MAPKBP1: variants seen among roughly 807,000 people sequenced by gnomAD.
MAPKBP1 encodes the protein mitogen-activated protein kinase binding protein 1.
MAPKBP1 carries 71 observed loss-of-function variants against 170.5 expected under a neutral mutation model. That is an observed-to-expected ratio of 0.42 (90% CI 0.34 to 0.51). The LOEUF is 0.51. Ranked by LOEUF, MAPKBP1 falls within the 20% of genes least tolerant of loss-of-function variation. The pLI is 0.06. For missense variants in MAPKBP1, 1,598 were observed against 1,933.0 expected (o/e 0.83, Z 3.25); for synonymous variants, 719 against 757.9 (o/e 0.95, Z 0.84).
Position 41,825,266 on chromosome 15 carries a change from G to A in MAPKBP1, c.4357G>A (p.Asp1453Asn), listed in dbSNP as rs1190393982. 10 of 1,608,322 alleles carry A rather than the reference G, an allele frequency of 6.2e-6. No homozygotes were observed. The highest frequency in any genetic ancestry group is 8.5e-6 in the Non-Finnish European group (10 of 1,175,666). Residue 1453 changes from aspartate (D) to asparagine (N), a missense_variant, in exon 31 of 31, where the codon GAC becomes AAC. Around this residue, in one of 6 missense-constraint regions of MAPKBP1, gnomAD observed 942 missense variants for 953.2 expected, o/e 0.99. Transcript: ENST00000457542. ...AAGTCGGATTGCCCAGCTCCTCAGA[G>A]ACACCTTCTCTTCAGTGCGACAGGA... ...EQSRIAQLLR[D>N]TFSSVRQELE...
intron 3 of MAPKBP1, among the ~76,000 whole-genome samples, chr15:41,800,235 C>G (rs1457691151): frequency 6.6e-6 from 1 of 152,208 alleles, no homozygotes; most frequent in African/African-American, 2.4e-5. Context: ...AGATGTAATT[C>G]ACATACCATA....
At position 41,823,799 on chromosome 15, in the gene MAPKBP1, C is replaced by T. The variant is rs374966571; in HGVS notation, c.3951C>T (p.Gly1317=). The stretch of plus-strand genomic sequence containing the variant: ...CTGTCACCAAAGGCCGGGCCCCTGG[C>T]GAGGCAGAAAAGCCTGGCTTCCCGG... The part of the protein sequence containing the change: ...FSPVTKGRAP[G]EAEKPGFPVG... Residue 1317 remains glycine, a synonymous_variant, in exon 29 of 31, where the codon GGC becomes GGT. Coordinates refer to ENST00000457542, the MANE Select transcript of MAPKBP1 (RefSeq NM_014994.3). 4.8e-5 allele frequency: 77 copies of T among 1,614,008 alleles called. No homozygotes were observed. The highest frequency in any genetic ancestry group is 5.5e-5 in the Non-Finnish European group (65 of 1,180,024).
At chr15:41,801,837 G>A (rs192651590) in intron 3 of MAPKBP1, among the ~76,000 whole-genome samples, 69 of 152,150 alleles carry the variant, frequency 4.5e-4, no homozygotes, top group African/African-American at 1.6e-3. Flanking sequence ...GCGACAAAGA[G>A]AGACTCTGTC....
At chr15:41,807,533 A>C (rs945506924) in intron 3 of MAPKBP1, among the ~76,000 whole-genome samples, 8 of 152,196 alleles carry the variant, frequency 5.3e-5, no homozygotes, top group Non-Finnish European at 1.2e-4. Flanking sequence ...GTTCCTGTGT[A>C]ACTAATCAGA....
chr15:41,801,918 G>A (rs1405945296), intron 3 of MAPKBP1, among the ~76,000 whole-genome samples: 1 of 152,156 alleles, frequency 6.6e-6, no homozygotes, highest in Admixed American at 6.5e-5. Context: ...GTCACTTAAT[G>A]ATGGGGATAT....
chr15:41,813,464 A>G, intron 8 of MAPKBP1, 157 bp from the exon 9 acceptor site: 1 of 1,416,162 alleles, frequency 7.1e-7, no homozygotes, highest in Non-Finnish European at 9.9e-7. Flanking sequence ...CCCTGGCTGG[A>G]CAGGGCTGAG....
chr15:41,821,144 A>T, intron 23 of MAPKBP1, 76 bp downstream of exon 23: 1 of 1,340,766 alleles, frequency 7.5e-7, no homozygotes, highest in Non-Finnish European at 1.1e-6. Flanking sequence ...CTGGGACCTG[A>T]GCACTGGTCC....
intron 3 of MAPKBP1, among the ~76,000 whole-genome samples, chr15:41,805,138 A>G (rs1358902082): frequency 6.6e-6 from 1 of 152,204 alleles, no homozygotes. Context: ...AACCAAAACA[A>G]AGTTTTCTGA....
At chr15:41,820,064 A>G (rs2064968528) in intron 22 of MAPKBP1, among the ~76,000 whole-genome samples, 1 of 152,230 alleles carries the variant, frequency 6.6e-6, no homozygotes, top group Admixed American at 6.5e-5. Flanking sequence ...AAACAGTTCT[A>G]AAGATCCCGG....
Position 41,826,502 on chromosome 15 carries a change from CA to C in MAPKBP1, c.*1067del, listed in dbSNP as rs1311392092. 6.6e-6 allele frequency: 1 copy of C among 152,264 alleles called. No homozygotes were observed. The highest frequency in any genetic ancestry group is 1.5e-5 in the Non-Finnish European group (1 of 68,102). The allele number at this position is 152,264 out of a possible 1,614,324, so 9.4% of individuals were successfully genotyped here. Reference sequence around the variant, plus strand: ...TCCTCACATCCTGCCTCAGCTTCACCACCCTGGCTTATGTGGAACACCTATC... The same window carrying C: ...TCCTCACATCCTGCCTCAGCTTCACCCCCTGGCTTATGTGGAACACCTATC... On this transcript the variant is annotated 3_prime_UTR_variant, in exon 31 of 31. Coordinates refer to ENST00000457542, the MANE Select transcript of MAPKBP1 (RefSeq NM_014994.3).
At chr15:41,778,144 G>A (rs1596058203) in intron 2 of MAPKBP1, among the ~76,000 whole-genome samples, 1 of 152,268 alleles carries the variant, frequency 6.6e-6, no homozygotes, top group African/African-American at 2.4e-5. Context: ...CACCGTTTAG[G>A]ACAGTGTAAG....
At position 41,816,554 on chromosome 15, in the gene MAPKBP1, T is replaced by G; in HGVS notation, c.1494-5T>G. On this transcript the variant is annotated splice_polypyrimidine_tract_variant and splice_region_variant and intron_variant, in intron 12 of 30. Transcript: ENST00000457542. ...GCCTCTTCCCACCTCTCCTCATCTT[T>G]GCAGGGTGCACGAACTTCAGTCCCT... 6.2e-7 allele frequency: 1 copy of G among 1,612,566 alleles called. No individual in the cohort carries two copies. The highest frequency in any genetic ancestry group is 8.5e-7 in the Non-Finnish European group (1 of 1,178,616).
At position 41,818,174 on chromosome 15, in the gene MAPKBP1, C is replaced by T; in HGVS notation, c.1981-20C>T. 1 of 1,610,368 alleles carries T rather than the reference C, an allele frequency of 6.2e-7. No homozygotes were observed. The highest frequency in any genetic ancestry group is 8.5e-7 in the Non-Finnish European group (1 of 1,176,584). ...TGGTACTTCCCATGTCCTCCAGCTG[C>T]ACACCCTGCTACTCCTCAGGTGCAG... On this transcript the variant is annotated intron_variant, in intron 17 of 30. Transcript: ENST00000457542. The surrounding 1 kb of genome is among the most constrained non-coding windows in gnomAD (Gnocchi z 5.2).
intron 3 of MAPKBP1, among the ~76,000 whole-genome samples, chr15:41,802,081 G>C (rs2064605118): frequency 6.6e-6 from 1 of 152,096 alleles, no homozygotes. Context: ...GCAGGTTACT[G>C]TACTGAATAC....
intron 3 of MAPKBP1, among the ~76,000 whole-genome samples, chr15:41,801,285 C>A (rs1292317145): frequency 6.6e-6 from 1 of 152,180 alleles, no homozygotes; most frequent in Non-Finnish European, 1.5e-5. Context: ...TGCCTTTTCA[C>A]TCCTCTGCTC....
intron 2 of MAPKBP1, among the ~76,000 whole-genome samples, chr15:41,797,693 G>C (rs2064515332): frequency 1.3e-5 from 2 of 152,200 alleles, no homozygotes; most frequent in Admixed American, 1.3e-4. Flanking sequence ...TAGTGCCTCA[G>C]ATCGGCGCAA....
chr15:41,817,321 A>C lies in MAPKBP1; in HGVS notation c.1712-67A>C. ...CTTGATGGGGGATCTCATGGAGGGAAGGTGGGAGGCAGGCTGCTCCCATGT... is the reference window on the plus strand; with the variant it reads ...CTTGATGGGGGATCTCATGGAGGGACGGTGGGAGGCAGGCTGCTCCCATGT... On this transcript the variant is annotated intron_variant, in intron 14 of 30. Coordinates refer to ENST00000457542, the MANE Select transcript of MAPKBP1 (RefSeq NM_014994.3). The surrounding 1 kb of genome is among the most constrained non-coding windows in gnomAD (Gnocchi z 4.2). 6.7e-7 allele frequency: 1 copy of C among 1,502,062 alleles called. No individual in the cohort carries two copies. The highest frequency in any genetic ancestry group is 1.7e-5 in the Admixed American group (1 of 59,738). 93.0% of individuals were successfully genotyped at this position (1,502,062 alleles called of 1,614,324 possible).
Position 41,818,364 on chromosome 15 carries a change from C to G in MAPKBP1, c.2092+59C>G. ...ATACCTGCGTAAACCTGAGTGAGTT[C>G]CACCCCTGGAACTTCACTCTTCTAT... On this transcript the variant is annotated intron_variant, in intron 18 of 30. Transcript: ENST00000457542. The surrounding 1 kb of genome is among the most constrained non-coding windows in gnomAD (Gnocchi z 5.2). 6.8e-7 allele frequency: 1 copy of G among 1,476,748 alleles called. No homozygotes were observed. The highest frequency in any genetic ancestry group is 9.5e-7 in the Non-Finnish European group (1 of 1,057,030). 91.5% of individuals were successfully genotyped at this position (1,476,748 alleles called of 1,614,324 possible).
chr15:41,784,327 C>G (rs898071099), intron 2 of MAPKBP1, among the ~76,000 whole-genome samples: 5 of 152,026 alleles, frequency 3.3e-5, no homozygotes, highest in Admixed American at 2.6e-4. Context: ...CTAGAACTGG[C>G]TAGTGAAAAG....
Sources: allele counts gnomAD v4.1 joint callset (sites outside exome capture counted in the v4.1 genomes callset), GRCh38; gene constraint gnomAD v4.1.1; regional missense constraint gnomAD v4.1.1; non-coding constraint Gnocchi (gnomAD v3.1); transcripts MANE v1.5; gene names NCBI Gene and HGNC (gene_info 2026-07-23, HGNC 2026-07-21).